The following GPA33 variants were observed in gnomAD, a reference collection of about 807,000 sequenced individuals.
GPA33 encodes cell surface A33 antigen.
A neutral mutation model predicts 35.6 loss-of-function variants in GPA33; 27 were observed. That is an observed-to-expected ratio of 0.76 (90% CI 0.56 to 1.04). The LOEUF is 1.04. GPA33 is among the 50% of genes least tolerant of loss of function. The probability of loss-of-function intolerance (pLI) is 0.00; values close to 1 mark genes in which losing one functional copy is unlikely to be tolerated. For synonymous variants in GPA33, 176 were observed against 164.0 expected, an observed-to-expected ratio of 1.07 and a Z score of -0.56; for missense variants, 428 against 411.9, an observed-to-expected ratio of 1.04 and a Z score of -0.34.
At chr1:167,070,784 A>C (rs192017920) in intron 2 of GPA33, among the ~76,000 whole-genome samples, 1 of 152,320 alleles carries the variant, frequency 6.6e-6, no homozygotes, top group African/African-American at 2.4e-5. Context: ...AATGAATTTG[A>C]GGAGTATGAA....
intron 1 of GPA33, among the ~76,000 whole-genome samples, chr1:167,087,022 C>T (rs1384782891): frequency 6.6e-6 from 1 of 152,014 alleles, no homozygotes; most frequent in East Asian, 1.9e-4. Context: ...CATTGCAGCA[C>T]ATCAAATCTT....
At chr1:167,081,974 T>C (rs958021786) in intron 1 of GPA33, among the ~76,000 whole-genome samples, 5 of 152,194 alleles carry the variant, frequency 3.3e-5, no homozygotes, top group Non-Finnish European at 7.4e-5. Context: ...TAGAGCCCAA[T>C]TAAGTGTTAA....
At chr1:167,071,087 G>T (rs531443387) in intron 2 of GPA33, among the ~76,000 whole-genome samples, 7 of 152,258 alleles carry the variant, frequency 4.6e-5, no homozygotes, top group African/African-American at 1.7e-4. Context: ...ACATGTCGAT[G>T]TTCACTGAGA....
intron 2 of GPA33, 23 bp from the exon 3 acceptor site, chr1:167,069,161 C>T (rs1286898318): frequency 3.9e-6 from 6 of 1,547,918 alleles, no homozygotes; most frequent in African/African-American, 1.4e-5. Flanking sequence ...GAAATGGCAC[C>T]AGGTCTTCAC....
At chr1:167,069,205 C>T in intron 2 of GPA33, 67 bp from the exon 3 acceptor site, 1 of 1,052,302 alleles carries the variant, frequency 9.5e-7, no homozygotes, top group Non-Finnish European at 1.4e-6. Flanking sequence ...CCAGCCTGCC[C>T]TGACTACCCT....
At chr1:167,077,295 C>A (rs1271554870) in intron 1 of GPA33, among the ~76,000 whole-genome samples, 2 of 152,198 alleles carry the variant, frequency 1.3e-5, no homozygotes, top group Admixed American at 6.5e-5. Context: ...ATGGAGCCCT[C>A]CAGTGCCGTC....
Position 167,054,342 on chromosome 1 carries a change from C to G in GPA33, c.952G>C (p.Asp318His). ...STGRESPDHL[D>H]Q Reference sequence around the variant, plus strand: ...CCTCTGCTGCTGGCCTGTCACTGGTCGAGGTGGTCCGGGGATTCACGCCCA... The same window carrying G: ...CCTCTGCTGCTGGCCTGTCACTGGTGGAGGTGGTCCGGGGATTCACGCCCA... The change falls in exon 7 of 7, where the codon GAC becomes CAC. Residue 318 changes from aspartate (D) to histidine (H), a missense_variant. Coordinates refer to ENST00000367868, the MANE Select transcript of GPA33 (RefSeq NM_005814.3). 1 of 1,614,070 alleles carries G rather than the reference C, an allele frequency of 6.2e-7. No homozygotes were observed. Among genetic ancestry groups the G allele is most frequent in the Non-Finnish European group, 8.5e-7 (1 of 1,179,990 alleles).
At chr1:167,066,012 A>C (rs1462560816) in intron 3 of GPA33, among the ~76,000 whole-genome samples, 1 of 152,160 alleles carries the variant, frequency 6.6e-6, no homozygotes, top group African/African-American at 2.4e-5. Context: ...TTGCTGAGCC[A>C]AGCTTTATCT....
At chr1:167,067,697 G>A (rs1048722517) in intron 3 of GPA33, among the ~76,000 whole-genome samples, 4 of 152,134 alleles carry the variant, frequency 2.6e-5, no homozygotes, top group Non-Finnish European at 4.4e-5. Context: ...TGGAACACTT[G>A]AATAAATCAT....
At chr1:167,085,706 C>T (rs866025858) in intron 1 of GPA33, among the ~76,000 whole-genome samples, 1 of 152,196 alleles carries the variant, frequency 6.6e-6, no homozygotes, top group African/African-American at 2.4e-5. Flanking sequence ...GAATGCATAC[C>T]ATTGAGCCCC....
At chr1:167,056,566 GGTGTGTGTGGCA>G (rs1666261217) in intron 4 of GPA33, among the ~76,000 whole-genome samples, 1 of 17,702 alleles carries the variant, frequency 5.6e-5, no homozygotes, top group African/African-American at 1.8e-4. Context: ...TATGGTATGT[GGTGTGTGTGGCA>G]TATGTGTGGT....
intron 1 of GPA33, among the ~76,000 whole-genome samples, chr1:167,077,943 A>G (rs1234150799): frequency 1.3e-5 from 2 of 152,182 alleles, no homozygotes. Flanking sequence ...CCTTTGCTCT[A>G]TCTAGATATG....
chr1:167,055,562 G>A (rs1666224108), intron 5 of GPA33, among the ~76,000 whole-genome samples, 168 bp downstream of exon 5: 1 of 152,000 alleles, frequency 6.6e-6, no homozygotes, highest in African/African-American at 2.4e-5. Context: ...CAGAGTGAGG[G>A]GAGCCTGGGA....
intron 4 of GPA33, among the ~76,000 whole-genome samples, chr1:167,056,859 G>GA (rs1571302847): frequency 1.0e-3 from 14 of 13,362 alleles, no homozygotes; most frequent in South Asian, 4.1e-3. Flanking sequence ...TGTGTGTGGT[G>GA]TGTGTGTGGT....
chr1:167,075,575 C>T (rs2102194440), intron 1 of GPA33, among the ~76,000 whole-genome samples: 1 of 152,270 alleles, frequency 6.6e-6, no homozygotes, highest in South Asian at 2.1e-4. Context: ...TGAGGACTTG[C>T]AAAGTTTGAG....
At chr1:167,089,537 AGACTTT>A (rs1346124148) in intron 1 of GPA33, among the ~76,000 whole-genome samples, 21 of 152,308 alleles carry the variant, frequency 1.4e-4, no homozygotes, top group African/African-American at 5.1e-4. Flanking sequence ...CTTAATGCCA[AGACTTT>A]CATTCTAACC....
In GPA33 at chr1:167,054,205, G is replaced by A. The variant is rs904970174; in HGVS notation, c.*129C>T. ...CCATGTTCCCCACAGCTGACACTGG[G>A]GAAGAAATGTCCCCATCAATGTCTG... On this transcript the variant is annotated 3_prime_UTR_variant, in exon 7 of 7. Coordinates refer to ENST00000367868, the MANE Select transcript of GPA33 (RefSeq NM_005814.3). The A allele has an allele frequency of 1.6e-6, 2 of 1,229,334 alleles. No homozygotes were observed. The highest frequency in any genetic ancestry group is 1.1e-6 in the Non-Finnish European group (1 of 870,028). The allele number at this position is 1,229,334 out of a possible 1,614,324, so 76.2% of individuals were successfully genotyped here. A position where few individuals can be genotyped will look rare whatever the true frequency, so the allele number is the denominator to read the frequency against.
intron 1 of GPA33, chr1:167,082,100 T>G (rs1666961040): frequency 2.7e-6 from 1 of 371,710 alleles, no homozygotes; most frequent in Non-Finnish European, 5.2e-6. Context: ...CAATTCACGG[T>G]GTTGGACTGC....
At chr1:167,083,292 C>T (rs1483814495) in intron 1 of GPA33, among the ~76,000 whole-genome samples, 1 of 152,154 alleles carries the variant, frequency 6.6e-6, no homozygotes, top group Non-Finnish European at 1.5e-5. Context: ...GAGACAGGAA[C>T]ATTTTGAGAG....
Sources: allele counts gnomAD v4.1 joint callset (sites outside exome capture counted in the v4.1 genomes callset), GRCh38; gene constraint gnomAD v4.1.1; transcripts MANE v1.5; gene names NCBI Gene and HGNC (gene_info 2026-07-23, HGNC 2026-07-21).